The following LRRTM4 variants were observed in gnomAD, a reference collection of about 807,000 sequenced individuals.
LRRTM4 encodes the protein leucine rich repeat transmembrane neuronal 4, also known as leucine-rich repeat transmembrane neuronal protein 4.
A neutral mutation model predicts 47.6 loss-of-function variants in LRRTM4; 25 were observed. That is an observed-to-expected ratio of 0.53 (90% CI 0.38 to 0.73). The LOEUF is 0.73. Ranked by LOEUF, LRRTM4 falls within the 30% of genes least tolerant of loss-of-function variation. LRRTM4 has a pLI of 0.00. For missense variants in LRRTM4, 638 were observed against 713.4 expected (o/e 0.89, Z 1.20); for synonymous variants, 311 against 269.5 (o/e 1.15, Z -1.51).
rs143289535 is a variant in LRRTM4 at position 77,160,639 on chromosome 2, C to T, written c.1551+357679G>A. Among the ~76,000 whole-genome samples, 19 of 152,170 alleles carry T rather than the reference C, an allele frequency of 1.2e-4. No individual in the cohort carries two copies. In the East Asian group the frequency reaches 3.7e-3, roughly 30 times the overall value. On this transcript the variant is annotated intron_variant, in intron 3 of 3. Transcript: ENST00000409884. ...TTTATTGTACAATGAAGACTGACAGCTTGTGCTTTATTTATTTCCTTTAAG... is the reference window on the plus strand; with the variant it reads ...TTTATTGTACAATGAAGACTGACAGTTTGTGCTTTATTTATTTCCTTTAAG...
intron 3 of LRRTM4, among the ~76,000 whole-genome samples, chr2:77,427,861 A>T (rs1258487537): frequency 1.3e-5 from 2 of 152,224 alleles, no homozygotes; most frequent in African/African-American, 4.8e-5. Flanking sequence ...AGTGAGGAAG[A>T]GTAGCATAAA....
chr2:76,886,784 A>C lies in LRRTM4; in HGVS notation c.1552-137868T>G, dbSNP rs1673088806. 2.6e-5 allele frequency among the ~76,000 whole-genome samples: 4 copies of C among 152,150 alleles called. No homozygotes were observed. The South Asian group carries it at 8.3e-4, about 32-fold the overall frequency. ...AAATTTTTAACAATTTATGTGTAGG[A>C]CCTTTACAATGCAACCAAGACTCAT... On this transcript the variant is annotated intron_variant, in intron 3 of 3. Transcript: ENST00000409884.
chr2:76,874,775 C>A (rs956718064), intron 3 of LRRTM4, among the ~76,000 whole-genome samples: 1 of 151,584 alleles, frequency 6.6e-6, no homozygotes, highest in Non-Finnish European at 1.5e-5. Flanking sequence ...GATACTAGAC[C>A]CTGGCTATTT....
chr2:77,113,257 G>A (rs541636543), intron 3 of LRRTM4, among the ~76,000 whole-genome samples: 2 of 152,190 alleles, frequency 1.3e-5, no homozygotes, highest in East Asian at 3.9e-4. Flanking sequence ...TGCTGAGATG[G>A]GGTTAGAACA....
chr2:77,409,579 C>G (rs1009388763), intron 3 of LRRTM4, among the ~76,000 whole-genome samples: 1 of 152,108 alleles, frequency 6.6e-6, no homozygotes, highest in Non-Finnish European at 1.5e-5. Context: ...TCTTGTTTCT[C>G]TGTGTGTGTT....
intron 3 of LRRTM4, among the ~76,000 whole-genome samples, chr2:77,349,142 T>G (rs1413611272): frequency 6.6e-6 from 1 of 151,906 alleles, no homozygotes; most frequent in Non-Finnish European, 1.5e-5. Context: ...GAAGTAGAGA[T>G]AATACCTATT....
intron 3 of LRRTM4, among the ~76,000 whole-genome samples, chr2:76,867,013 G>A (rs1672487647): frequency 6.6e-6 from 1 of 151,622 alleles, no homozygotes. Context: ...AATGAGAGTT[G>A]AACAATGAGA....
At chr2:77,075,893 C>G (rs568204640) in intron 3 of LRRTM4, among the ~76,000 whole-genome samples, 1 of 99,708 alleles carries the variant, frequency 1.0e-5, no homozygotes, top group Non-Finnish European at 1.8e-5. Context: ...CCAGCCTGGG[C>G]GACAGAGCGA....
At chr2:77,095,669 C>T (rs1049053800) in intron 3 of LRRTM4, among the ~76,000 whole-genome samples, 11 of 151,844 alleles carry the variant, frequency 7.2e-5, no homozygotes, top group African/African-American at 2.4e-4. Flanking sequence ...CCACCACGCC[C>T]GGCTAATTTT....
intron 3 of LRRTM4, among the ~76,000 whole-genome samples, chr2:77,408,576 A>G (rs1303064654): frequency 1.3e-5 from 2 of 152,190 alleles, no homozygotes; most frequent in Non-Finnish European, 2.9e-5. Context: ...TCTCATAAAC[A>G]TTAGTAATTA....
chr2:77,075,888 C>T (rs1680319210), intron 3 of LRRTM4, among the ~76,000 whole-genome samples: 1 of 109,114 alleles, frequency 9.2e-6, no homozygotes, highest in South Asian at 3.1e-4. Flanking sequence ...GCACTCCAGC[C>T]TGGGCGACAG....
At chr2:76,930,892 T>G (rs1341920481) in intron 3 of LRRTM4, among the ~76,000 whole-genome samples, 1 of 152,204 alleles carries the variant, frequency 6.6e-6, no homozygotes, top group African/African-American at 2.4e-5. Flanking sequence ...TATAATGAAT[T>G]ACATTCTTTA....
chr2:76,766,694 CT>C (rs1439012693), intron 3 of LRRTM4, among the ~76,000 whole-genome samples: 12 of 152,300 alleles, frequency 7.9e-5, no homozygotes, highest in Admixed American at 7.2e-4. Context: ...TCTGAAGTAA[CT>C]GGTTTCTGCT....
chr2:76,782,483 A>G (rs1674455395), intron 3 of LRRTM4, among the ~76,000 whole-genome samples: 1 of 152,218 alleles, frequency 6.6e-6, no homozygotes, highest in African/African-American at 2.4e-5. Context: ...ACAACACTTG[A>G]GCTCACTGCA....
chr2:77,371,151 G>T (rs1267167479), intron 3 of LRRTM4, among the ~76,000 whole-genome samples: 1 of 151,686 alleles, frequency 6.6e-6, no homozygotes, highest in African/African-American at 2.4e-5. Context: ...TAAGATGTGA[G>T]ACAGACAGGT....
Position 76,999,972 on chromosome 2 carries a change from G to A in LRRTM4, c.1552-251056C>T, listed in dbSNP as rs75474213. Among the ~76,000 whole-genome samples the A allele has an allele frequency of 9.9e-5, 15 of 152,220 alleles. No individual in the cohort carries two copies. The South Asian group carries it at 1.5e-3, about 15-fold the overall frequency. On this transcript the variant is annotated intron_variant, in intron 3 of 3. Coordinates refer to ENST00000409884, the MANE Select transcript of LRRTM4 (RefSeq NM_001134745.3). ...TATATACTATGGAAAGAATGAAACA[G>A]ACAATGATAATAGCTTCTTTCAGCT...
chr2:77,463,123 T>C lies in LRRTM4; in HGVS notation c.1551+55195A>G, dbSNP rs531065737. ...GAGTGACTTACAAAAACCTAGATAA[T>C]ATAACCTACTACACACCTAGGCTGT... On this transcript the variant is annotated intron_variant, in intron 3 of 3. Transcript: ENST00000409884. Among the ~76,000 whole-genome samples, 8 of 152,182 alleles carry C rather than the reference T, an allele frequency of 5.3e-5. No homozygotes were observed. In the East Asian group the frequency reaches 1.4e-3, roughly 26 times the overall value.
rs568470725 is a variant in LRRTM4, at chr2:76,822,787, T to C, written c.1552-73871A>G. Among the ~76,000 whole-genome samples the C allele has an allele frequency of 4.0e-5, 6 of 151,562 alleles. No individual in the cohort carries two copies. The East Asian group carries it at 7.8e-4, about 20-fold the overall frequency. ...CTCTAAGTCTGACTAACTTCAGAGA[T>C]TGAGTTTATTTATTATTTATTTATT... is the stretch of plus-strand genomic sequence containing the variant. On this transcript the variant is annotated intron_variant, in intron 3 of 3. Transcript: ENST00000409884.
chr2:77,051,230 A>G (rs1679421723), intron 3 of LRRTM4, among the ~76,000 whole-genome samples: 1 of 152,074 alleles, frequency 6.6e-6, no homozygotes, highest in South Asian at 2.1e-4. Flanking sequence ...ACAAAGAACT[A>G]TCTAGTTCAA....
Sources: gnomAD v4.1 joint callset for allele counts (sites outside exome capture counted in the v4.1 genomes callset) on GRCh38, gnomAD v4.1.1 for gene constraint, MANE v1.5 for transcripts, NCBI Gene and HGNC (gene_info 2026-07-23, HGNC 2026-07-21) for gene names.